Variants in CTNNA2 observed in about 807,000 individuals in gnomAD.
CTNNA2 encodes the protein catenin alpha 2.
CTNNA2 carries 42 observed loss-of-function variants against 101.0 expected under a neutral mutation model. That is an observed-to-expected ratio of 0.42 (90% confidence interval 0.32 to 0.54). The LOEUF (loss-of-function observed/expected upper bound fraction) is 0.54. CTNNA2 is among the 20% of genes least tolerant of loss of function. The probability of loss-of-function intolerance (pLI) is 0.14; values close to 1 mark genes in which losing one functional copy is unlikely to be tolerated. For missense variants in CTNNA2, 871 were observed against 1,223.1 expected, an observed-to-expected ratio of 0.71 and a Z score of 4.29; for synonymous variants, 450 against 456.4, an observed-to-expected ratio of 0.99 and a Z score of 0.18.
intron 2 of CTNNA2, among the ~76,000 whole-genome samples, chr2:79,713,182 A>T (rs1244185351): frequency 2.0e-5 from 3 of 152,242 alleles, no homozygotes; most frequent in Non-Finnish European, 4.4e-5. Flanking sequence ...ATTGAATAAA[A>T]TGTTGGGTCA....
chr2:80,599,852 C>T (rs1457993132), intron 15 of CTNNA2, among the ~76,000 whole-genome samples: 1 of 151,620 alleles, frequency 6.6e-6, no homozygotes, highest in African/African-American at 2.4e-5. Flanking sequence ...TATACATGTG[C>T]CATGCTGGTG....
At chr2:80,567,942 T>C (rs1264009390) in intron 12 of CTNNA2, among the ~76,000 whole-genome samples, 2 of 152,222 alleles carry the variant, frequency 1.3e-5, no homozygotes, top group Non-Finnish European at 2.9e-5. Context: ...GGGCTTTGTC[T>C]ATTTTCTTTT....
chr2:80,460,222 C>A (rs1190192991), intron 9 of CTNNA2, among the ~76,000 whole-genome samples: 2 of 152,030 alleles, frequency 1.3e-5, no homozygotes, highest in African/African-American at 4.8e-5. Context: ...CAATCCATAG[C>A]CTTTCTTTGC....
intron 18 of CTNNA2, among the ~76,000 whole-genome samples, chr2:80,630,555 T>C (rs558946283): frequency 5.3e-5 from 8 of 152,250 alleles, no homozygotes; most frequent in African/African-American, 1.9e-4. Flanking sequence ...GAGAATCGCT[T>C]GAACCCAAGA....
chr2:80,494,967 C>G (rs1164234440), intron 9 of CTNNA2, among the ~76,000 whole-genome samples: 17 of 151,970 alleles, frequency 1.1e-4, no homozygotes, highest in Non-Finnish European at 1.8e-4. Context: ...TCTTTTTGAC[C>G]AAAAATATTA....
chr2:79,408,946 T>C (rs1384439114), intron 4 of CTNNA2, among the ~76,000 whole-genome samples: 2 of 132,352 alleles, frequency 1.5e-5, no homozygotes, highest in African/African-American at 5.4e-5. Context: ...TTTCTCCACA[T>C]CCTCTCCAGC....
chr2:80,169,428 T>G (rs780602834), intron 7 of CTNNA2, among the ~76,000 whole-genome samples: 7 of 152,218 alleles, frequency 4.6e-5, no homozygotes, highest in Non-Finnish European at 7.3e-5. Context: ...GTATACGTTA[T>G]AAAGGTATAC....
At chr2:79,955,425 C>A (rs4591366) in intron 7 of CTNNA2, among the ~76,000 whole-genome samples, 1 of 152,050 alleles carries the variant, frequency 6.6e-6, no homozygotes, top group Non-Finnish European at 1.5e-5. Context: ...TCATGATACC[C>A]GTGTCCTCAT....
chr2:79,350,187 A>G (rs1223279836), intron 3 of CTNNA2, among the ~76,000 whole-genome samples: 2 of 151,762 alleles, frequency 1.3e-5, no homozygotes, highest in Admixed American at 6.6e-5. Context: ...TTAAATAGAT[A>G]TATTGTGTAA....
At chr2:79,578,040 A>AG (rs113487657) in intron 1 of CTNNA2, among the ~76,000 whole-genome samples, 13,101 of 152,216 alleles carry the variant, frequency 0.086, 606 homozygotes, top group Non-Finnish European at 0.096. Flanking sequence ...AGGTGCAAAA[A>AG]TTACCGATTC....
chr2:79,461,488 T>C (rs1218920819), intron 4 of CTNNA2, among the ~76,000 whole-genome samples: 1 of 152,176 alleles, frequency 6.6e-6, no homozygotes, highest in Non-Finnish European at 1.5e-5. Flanking sequence ...GAGTTTACAT[T>C]GACACCGTGT....
In CTNNA2 at chr2:79,884,415, T is replaced by C. The variant is rs181764300; in HGVS notation, c.852+10073T>C. On this transcript the variant is annotated intron_variant, in intron 6 of 18. Transcript: ENST00000402739. ...GCTAACCTCGGTTCCTCCCTGCTCCTCAGGCACTCTACCTGAGTGTCTCCA... is the reference window on the plus strand; with the variant it reads ...GCTAACCTCGGTTCCTCCCTGCTCCCCAGGCACTCTACCTGAGTGTCTCCA... Among the ~76,000 whole-genome samples, 701 of 152,328 alleles carry C rather than the reference T, an allele frequency of 4.6e-3. 3 individuals are homozygous for C. The highest frequency in any genetic ancestry group is 0.016 in the African/African-American group (664 of 41,578).
At chr2:79,491,846 T>C (rs1290502357) in intron 4 of CTNNA2, among the ~76,000 whole-genome samples, 1 of 152,150 alleles carries the variant, frequency 6.6e-6, no homozygotes, top group Non-Finnish European at 1.5e-5. Context: ...CTTATTTAGG[T>C]TTTAAAAATC....
intron 7 of CTNNA2, among the ~76,000 whole-genome samples, chr2:80,142,274 G>C (rs1261624344): frequency 6.6e-6 from 1 of 152,110 alleles, no homozygotes; most frequent in Non-Finnish European, 1.5e-5. Flanking sequence ...GTAAGTCATT[G>C]GGAAGTTGGA....
chr2:79,859,081 C>T (rs1430214594), intron 4 of CTNNA2, among the ~76,000 whole-genome samples: 2 of 151,892 alleles, frequency 1.3e-5, no homozygotes, highest in Non-Finnish European at 2.9e-5. Flanking sequence ...AATATGATTC[C>T]TGAACAATTG....
chr2:79,285,551 T>A (rs2104354161), intron 2 of CTNNA2, among the ~76,000 whole-genome samples: 1 of 135,950 alleles, frequency 7.4e-6, no homozygotes, highest in Admixed American at 7.5e-5. Context: ...AGTTTCCATG[T>A]AGTTGAGCGG....
chr2:79,340,399 C>T (rs1372002216), intron 3 of CTNNA2, among the ~76,000 whole-genome samples: 1 of 152,150 alleles, frequency 6.6e-6, no homozygotes, highest in African/African-American at 2.4e-5. Context: ...CTATTCCTCT[C>T]AGGCAGTTGG....
chr2:79,233,037 T>C (rs1318937083), intron 2 of CTNNA2, among the ~76,000 whole-genome samples: 2 of 152,160 alleles, frequency 1.3e-5, no homozygotes, highest in Non-Finnish European at 2.9e-5. Flanking sequence ...GTGTGGACTT[T>C]TGAGTCTCAG....
At chr2:79,423,544 C>A (rs1018503700) in intron 4 of CTNNA2, among the ~76,000 whole-genome samples, 14 of 152,186 alleles carry the variant, frequency 9.2e-5, no homozygotes, top group African/African-American at 2.2e-4. Flanking sequence ...TAAAGAACTC[C>A]TCTCTAGGTA....
Sources: gnomAD v4.1 joint callset for allele counts (sites outside exome capture counted in the v4.1 genomes callset) on GRCh38, gnomAD v4.1.1 for gene constraint, MANE v1.5 for transcripts, NCBI Gene and HGNC (gene_info 2026-07-23, HGNC 2026-07-21) for gene names.